Variants in CHRM3 observed in about 807,000 individuals in gnomAD.
The protein encoded by CHRM3 is cholinergic receptor muscarinic 3.
A neutral mutation model predicts 41.8 loss-of-function variants in CHRM3; 11 were observed. The ratio of observed to expected loss-of-function variants is 0.26; its 90% CI spans 0.17 to 0.44. CHRM3 has a LOEUF of 0.44. Ranked by LOEUF, CHRM3 falls within the 20% of genes least tolerant of loss-of-function variation. The pLI is 1.00. For missense variants in CHRM3, 571 were observed against 745.4 expected (o/e 0.77, Z 2.72); for synonymous variants, 297 against 301.4 (o/e 0.99, Z 0.15).
intron 2 of CHRM3, among the ~76,000 whole-genome samples, chr1:239,519,741 CTTTTTTTTTTTT>C (rs386370161): frequency 1.2e-5 from 1 of 85,066 alleles, no homozygotes; most frequent in Admixed American, 1.7e-4. Context: ...AAAACTAGTT[CTTTTTTTTTTTT>C]TTTTTTTTTT....
intron 5 of CHRM3, chr1:239,727,668 AC>A (rs1171930333): frequency 6.6e-6 from 1 of 151,820 alleles, no homozygotes; most frequent in East Asian, 1.9e-4. Context: ...TGCTTTCAGC[AC>A]CGAATGATGC....
At chr1:239,725,457 C>T (rs2355210) in intron 5 of CHRM3, among the ~76,000 whole-genome samples, 76,834 of 151,676 alleles carry the variant, frequency 0.51, 19,700 homozygotes, top group Admixed American at 0.56. Flanking sequence ...GCAGGATATA[C>T]TTTTTGTTTC....
At chr1:239,457,527 T>G (rs550771867) in intron 1 of CHRM3, among the ~76,000 whole-genome samples, 36 of 152,248 alleles carry the variant, frequency 2.4e-4, no homozygotes, top group Middle Eastern at 6.8e-3. Context: ...AAGCATCAAG[T>G]TTGGTACTTT....
chr1:239,674,222 T>C (rs1657733091), intron 4 of CHRM3, among the ~76,000 whole-genome samples: 1 of 152,144 alleles, frequency 6.6e-6, no homozygotes, highest in Non-Finnish European at 1.5e-5. Flanking sequence ...GGTCCACAGA[T>C]ATGAATATAT....
intron 1 of CHRM3, among the ~76,000 whole-genome samples, chr1:239,388,706 G>T (rs1371422183): frequency 6.6e-6 from 1 of 152,222 alleles, no homozygotes; most frequent in Non-Finnish European, 1.5e-5. Context: ...GAGGTGTTGA[G>T]TGCACCCTCT....
intron 5 of CHRM3, among the ~76,000 whole-genome samples, chr1:239,783,576 A>G (rs1303417533): frequency 2.0e-5 from 3 of 152,346 alleles, no homozygotes; most frequent in East Asian, 3.9e-4. Flanking sequence ...AAATAGTCAA[A>G]CAATCAAATG....
At chr1:239,754,291 T>C (rs534426001) in intron 5 of CHRM3, among the ~76,000 whole-genome samples, 80 of 152,348 alleles carry the variant, frequency 5.3e-4, no homozygotes, top group African/African-American at 1.8e-3. Context: ...ATCATTTGCA[T>C]GTTGACCCAC....
At chr1:239,478,936 A>T (rs981560558) in intron 1 of CHRM3, among the ~76,000 whole-genome samples, 1 of 152,206 alleles carries the variant, frequency 6.6e-6, no homozygotes, top group East Asian at 1.9e-4. Flanking sequence ...TAATCCCAAC[A>T]CTTTGGGAGG....
intron 3 of CHRM3, among the ~76,000 whole-genome samples, chr1:239,595,135 C>T (rs1664643954): frequency 6.6e-6 from 1 of 152,164 alleles, no homozygotes; most frequent in African/African-American, 2.4e-5. Flanking sequence ...TGTGTCTGTA[C>T]TGAACAAGTA....
At chr1:239,554,521 T>C (rs1353586092) in intron 3 of CHRM3, among the ~76,000 whole-genome samples, 1 of 152,040 alleles carries the variant, frequency 6.6e-6, no homozygotes, top group African/African-American at 2.4e-5. Flanking sequence ...TCATTAAATA[T>C]ATGTATACAA....
At chr1:239,824,084 C>T (rs370561249) in intron 5 of CHRM3, among the ~76,000 whole-genome samples, 2 of 152,080 alleles carry the variant, frequency 1.3e-5, no homozygotes, top group African/African-American at 4.8e-5. Context: ...AGGCTGCCGG[C>T]GGTGCCCTCT....
At chr1:239,504,555 C>A (rs1330137174) in intron 2 of CHRM3, among the ~76,000 whole-genome samples, 1 of 152,150 alleles carries the variant, frequency 6.6e-6, no homozygotes, top group Non-Finnish European at 1.5e-5. Flanking sequence ...CCAGCAATCC[C>A]ACTAGTGGGT....
chr1:239,627,124 T>C (rs1219989102), intron 3 of CHRM3, among the ~76,000 whole-genome samples: 1 of 81,334 alleles, frequency 1.2e-5, no homozygotes, highest in African/African-American at 5.0e-5. Context: ...CCATTATTAA[T>C]GTGTGGGAGT....
chr1:239,431,752 G>C (rs61472058), intron 1 of CHRM3, among the ~76,000 whole-genome samples: 3,410 of 152,132 alleles, frequency 0.022, 105 homozygotes, highest in African/African-American at 0.078. Context: ...AGCTGAAAAG[G>C]GTACCTTAAT....
intron 2 of CHRM3, among the ~76,000 whole-genome samples, chr1:239,538,620 T>G (rs1218768308): frequency 6.6e-6 from 1 of 152,222 alleles, no homozygotes; most frequent in Non-Finnish European, 1.5e-5. Context: ...CTGTCCTTAC[T>G]TAAACTTCAT....
intron 2 of CHRM3, among the ~76,000 whole-genome samples, chr1:239,498,926 C>T (rs1454880289): frequency 6.6e-6 from 1 of 152,072 alleles, no homozygotes; most frequent in Non-Finnish European, 1.5e-5. Context: ...AGCATGCTTC[C>T]TTTTTATTTA....
At chr1:239,883,223 T>G (rs974416476) in intron 6 of CHRM3, among the ~76,000 whole-genome samples, 1 of 152,206 alleles carries the variant, frequency 6.6e-6, no homozygotes, top group African/African-American at 2.4e-5. Context: ...CTCTCAGCCG[T>G]GATGTTCCTC....
intron 5 of CHRM3, among the ~76,000 whole-genome samples, chr1:239,714,905 C>T (rs1053271094): frequency 6.6e-6 from 1 of 152,042 alleles, no homozygotes; most frequent in Non-Finnish European, 1.5e-5. Flanking sequence ...CATGGCATTG[C>T]ATGGGATGAA....
At chr1:239,489,650 T>A (rs1025823806) in intron 1 of CHRM3, among the ~76,000 whole-genome samples, 3 of 152,186 alleles carry the variant, frequency 2.0e-5, no homozygotes, top group Non-Finnish European at 4.4e-5. Context: ...TGTTTTTTGC[T>A]ATTTTGGGGG....
Sources: allele counts gnomAD v4.1 joint callset (sites outside exome capture counted in the v4.1 genomes callset), GRCh38; gene constraint gnomAD v4.1.1; transcripts MANE v1.5; gene names NCBI Gene and HGNC (gene_info 2026-07-23, HGNC 2026-07-21).